Variants in B3GALT1 observed in about 807,000 individuals in gnomAD.
B3GALT1 encodes the protein beta-1,3-galactosyltransferase 1, also known as UDP-Gal:betaGlcNAc beta 1,3-galactosyltransferase, polypeptide 1.
B3GALT1 carries 10 observed loss-of-function variants against 23.2 expected under a neutral mutation model. That is an observed-to-expected ratio of 0.43 (90% confidence interval 0.27 to 0.73). The LOEUF (loss-of-function observed/expected upper bound fraction) is 0.73, where lower values mean the gene tolerates loss of function less well. B3GALT1 is among the 30% of genes least tolerant of loss of function. The pLI is 0.21. For synonymous variants in B3GALT1, 156 were observed against 141.5 expected (o/e 1.10, Z -0.73); for missense variants, 299 against 405.4 (o/e 0.74, Z 2.25).
At chr2:167,490,532 A>G (rs1699693896) in intron 2 of B3GALT1, among the ~76,000 whole-genome samples, 1 of 152,248 alleles carries the variant, frequency 6.6e-6, no homozygotes, top group Non-Finnish European at 1.5e-5. Context: ...ACTTTGGAAT[A>G]GAAGCACCAT....
intron 3 of B3GALT1, among the ~76,000 whole-genome samples, chr2:167,796,153 A>G (rs1444316879): frequency 3.3e-5 from 5 of 151,884 alleles, no homozygotes; most frequent in Admixed American, 6.6e-5. Context: ...TTACTTTCAG[A>G]TTTTTTTTTA....
intron 2 of B3GALT1, among the ~76,000 whole-genome samples, chr2:167,556,711 C>G (rs1216439876): frequency 6.6e-6 from 1 of 152,116 alleles, no homozygotes; most frequent in Admixed American, 6.6e-5. Flanking sequence ...TTTCATTGGT[C>G]AAGGATGCCC....
intron 2 of B3GALT1, among the ~76,000 whole-genome samples, chr2:167,526,186 AACAC>A (rs143744265): frequency 6.7e-6 from 1 of 150,224 alleles, no homozygotes; most frequent in Non-Finnish European, 1.5e-5. Context: ...AGAGTTAGGT[AACAC>A]ACACACACAC....
At chr2:167,453,161 A>G (rs1038565844) in intron 1 of B3GALT1, among the ~76,000 whole-genome samples, 9 of 152,108 alleles carry the variant, frequency 5.9e-5, no homozygotes, top group African/African-American at 2.2e-4. Context: ...GGAGTCAGAT[A>G]ATCTGAGGAT....
At chr2:167,716,268 C>T (rs1687146590) in intron 3 of B3GALT1, among the ~76,000 whole-genome samples, 1 of 152,228 alleles carries the variant, frequency 6.6e-6, no homozygotes, top group African/African-American at 2.4e-5. Context: ...CGCACCCTCC[C>T]TCGGCCCCCC....
intron 2 of B3GALT1, among the ~76,000 whole-genome samples, chr2:167,632,511 A>T (rs1375961166): frequency 5.3e-5 from 8 of 151,926 alleles, no homozygotes; most frequent in Non-Finnish European, 1.0e-4. Context: ...ATGGTGTCTC[A>T]TTGTGGTTTT....
At chr2:167,504,567 A>G (rs1198325475) in intron 2 of B3GALT1, among the ~76,000 whole-genome samples, 1 of 152,210 alleles carries the variant, frequency 6.6e-6, no homozygotes, top group Non-Finnish European at 1.5e-5. Context: ...ATCAGAAAGG[A>G]GTAGCATCCT....
At chr2:167,515,027 A>G (rs552943880) in intron 2 of B3GALT1, among the ~76,000 whole-genome samples, 2 of 152,292 alleles carry the variant, frequency 1.3e-5, no homozygotes, top group East Asian at 3.9e-4. Context: ...AAAGTTTAGT[A>G]AAAAATTGAG....
At chr2:167,447,447 C>G (rs1472270707) in intron 1 of B3GALT1, among the ~76,000 whole-genome samples, 1 of 152,180 alleles carries the variant, frequency 6.6e-6, no homozygotes, top group Admixed American at 6.5e-5. Context: ...TCAGCTATGC[C>G]CTGTCTGCAG....
intron 2 of B3GALT1, among the ~76,000 whole-genome samples, chr2:167,502,731 A>G (rs1699864663): frequency 6.6e-6 from 1 of 152,184 alleles, no homozygotes; most frequent in South Asian, 2.1e-4. Context: ...CCCCTCTTTC[A>G]ACATTGGGGA....
intron 2 of B3GALT1, among the ~76,000 whole-genome samples, chr2:167,574,480 A>T (rs1329072157): frequency 6.6e-6 from 1 of 151,756 alleles, no homozygotes; most frequent in African/African-American, 2.4e-5. Flanking sequence ...CGCCCAGTTG[A>T]TTCAATTGAT....
chr2:167,510,846 A>G (rs1184972954), intron 2 of B3GALT1, among the ~76,000 whole-genome samples: 1 of 152,204 alleles, frequency 6.6e-6, no homozygotes, highest in Non-Finnish European at 1.5e-5. Context: ...TTTGGAATTC[A>G]GGGAGATATC....
chr2:167,714,106 T>G, intron 3 of B3GALT1: 1 of 1,529,596 alleles, frequency 6.5e-7, no homozygotes, highest in Non-Finnish European at 9.1e-7. Context: ...CTGAAGGCAT[T>G]GACCCATCCA....
At chr2:167,720,458 T>C (rs956981865) in intron 3 of B3GALT1, among the ~76,000 whole-genome samples, 8 of 152,128 alleles carry the variant, frequency 5.3e-5, no homozygotes, top group African/African-American at 1.9e-4. Flanking sequence ...GGTGCCAAAC[T>C]CAGTCACTGT....
At chr2:167,755,216 A>G (rs999701288) in intron 3 of B3GALT1, among the ~76,000 whole-genome samples, 2 of 152,088 alleles carry the variant, frequency 1.3e-5, no homozygotes, top group Admixed American at 6.5e-5. Context: ...AACATAGCTA[A>G]AGTAGGATAC....
chr2:167,808,482 G>C (rs1287192090), intron 3 of B3GALT1, among the ~76,000 whole-genome samples: 1 of 151,596 alleles, frequency 6.6e-6, no homozygotes, highest in Non-Finnish European at 1.5e-5. Context: ...AGGCCTGGTG[G>C]TGACAAAATC....
intron 4 of B3GALT1, among the ~76,000 whole-genome samples, chr2:167,824,852 A>G (rs184025789): frequency 5.9e-5 from 9 of 152,286 alleles, no homozygotes; most frequent in Non-Finnish European, 1.2e-4. Context: ...ACCTTTGCAT[A>G]TGTTGCATTC....
intron 3 of B3GALT1, among the ~76,000 whole-genome samples, chr2:167,723,523 T>C (rs1245659760): frequency 6.8e-6 from 1 of 146,316 alleles, no homozygotes; most frequent in Non-Finnish European, 1.5e-5. Context: ...ATTTTCTTTC[T>C]TTCCTTTTTT....
In B3GALT1 at chr2:167,713,965, A is replaced by T. The variant is rs1687103510; in HGVS notation, c.-352+66999A>T. The stretch of plus-strand genomic sequence containing the variant: ...CCCTTGTATCCACTGGAAACAATGG[A>T]CCACTGATTGCAGCAAGAGGTGGAG... On this transcript the variant is annotated intron_variant, in intron 3 of 4. Coordinates refer to ENST00000392690, the MANE Select transcript of B3GALT1 (RefSeq NM_020981.4). The T allele has an allele frequency of 7.7e-6, 12 of 1,559,192 alleles. No homozygotes were observed. The South Asian group carries it at 7.8e-5, about 10-fold the overall frequency.
Sources: allele counts gnomAD v4.1 joint callset (sites outside exome capture counted in the v4.1 genomes callset), GRCh38; gene constraint gnomAD v4.1.1; transcripts MANE v1.5; gene names NCBI Gene and HGNC (gene_info 2026-07-23, HGNC 2026-07-21).